Variants in PPP1R42 observed in about 807,000 individuals in gnomAD.
PPP1R42 encodes protein phosphatase 1 regulatory subunit 42.
A neutral mutation model predicts 31.0 loss-of-function variants in PPP1R42; 34 were observed. That is an observed-to-expected ratio of 1.10 (90% CI 0.83 to 1.46). The LOEUF (loss-of-function observed/expected upper bound fraction) is 1.46. Ranked by LOEUF, PPP1R42 falls within the 40% of genes most tolerant of loss-of-function variation. The probability of loss-of-function intolerance (pLI) is 0.00; values close to 1 mark genes in which losing one functional copy is unlikely to be tolerated. For missense variants in PPP1R42, 268 were observed against 303.0 expected, an observed-to-expected ratio of 0.88 and a Z score of 0.86; for synonymous variants, 103 against 109.8, an observed-to-expected ratio of 0.94 and a Z score of 0.39.
intron 5 of PPP1R42, among the ~76,000 whole-genome samples, chr8:67,008,546 AT>A: frequency 6.6e-6 from 1 of 151,856 alleles, no homozygotes; most frequent in East Asian, 1.9e-4. Context: ...CATCTCTACT[AT>A]AAATACAAAA....
intron 5 of PPP1R42, among the ~76,000 whole-genome samples, chr8:66,991,581 T>G (rs1369796590): frequency 1.3e-5 from 2 of 152,152 alleles, no homozygotes; most frequent in Non-Finnish European, 2.9e-5. Flanking sequence ...GTCCACCAAG[T>G]TTTCTCAGTT....
rs891134700 is a variant in PPP1R42 at position 66,965,656 on chromosome 8, C to T, written c.803-1322G>A. Among the ~76,000 whole-genome samples, 5 of 151,972 alleles carry T rather than the reference C, an allele frequency of 3.3e-5. No individual in the cohort carries two copies. In the South Asian group the frequency reaches 6.2e-4, roughly 19 times the overall value. On this transcript the variant is annotated intron_variant, in intron 7 of 7. Transcript: ENST00000685739. ...GTCAAACTGGCTGGATACAGTGGTT[C>T]GCATCTGCAACCCCAGCACTTTGGG...
chr8:67,017,516 G>C, intron 2 of PPP1R42, 103 bp downstream of exon 2: 1 of 597,368 alleles, frequency 1.7e-6, no homozygotes, highest in East Asian at 3.7e-5. Context: ...AAGTTAATAA[G>C]AATAATGAAA....
At chr8:66,998,394 CT>C in intron 5 of PPP1R42, among the ~76,000 whole-genome samples, 1 of 152,292 alleles carries the variant, frequency 6.6e-6, no homozygotes, top group Admixed American at 6.5e-5. Context: ...ACATATTGAC[CT>C]TGCCATTAAG....
chr8:66,968,916 G>A (rs902419175), intron 7 of PPP1R42, among the ~76,000 whole-genome samples: 1 of 152,140 alleles, frequency 6.6e-6, no homozygotes, highest in South Asian at 2.1e-4. Context: ...ACTCAGGATT[G>A]AACATAATTG....
chr8:67,020,718 T>C (rs745876157), intron 1 of PPP1R42, among the ~76,000 whole-genome samples: 11 of 152,274 alleles, frequency 7.2e-5, no homozygotes, highest in Non-Finnish European at 1.3e-4. Context: ...ATCATTATTA[T>C]TATTCTGTTA....
Position 67,024,480 on chromosome 8 carries a change from A to ATT in PPP1R42, c.-85+4009_-85+4010dup, listed in dbSNP as rs56931317. 2.7e-3 allele frequency among the ~76,000 whole-genome samples: 383 copies of ATT among 143,076 alleles called. 2 individuals are homozygous for ATT. Among genetic ancestry groups the ATT allele is most frequent in the African/African-American group, 4.1e-3 (160 of 39,218 alleles). 93.9% of individuals were successfully genotyped at this position (143,076 alleles called of 152,430 possible). A position where few individuals can be genotyped will look rare whatever the true frequency, so the allele number is the denominator to read the frequency against. ...CAGGCTCATGCCACCATGCCAGCTA[A>ATT]TTTTTTTTTTTTTTAGATGGAGTCT... On this transcript the variant is annotated intron_variant, in intron 1 of 7. Coordinates refer to ENST00000685739, the MANE Select transcript of PPP1R42 (RefSeq NM_001364910.1).
chr8:66,976,616 T>G (rs1377874194), intron 7 of PPP1R42, among the ~76,000 whole-genome samples: 1 of 152,174 alleles, frequency 6.6e-6, no homozygotes, highest in Non-Finnish European at 1.5e-5. Flanking sequence ...TTTTGGTTTT[T>G]TTTTTTTTTT....
intron 6 of PPP1R42, chr8:66,984,417 C>T: frequency 7.6e-7 from 1 of 1,320,834 alleles, no homozygotes; most frequent in Non-Finnish European, 1.1e-6. Flanking sequence ...TCTTCTGGGT[C>T]TTGGGGCCCC....
chr8:66,994,434 G>T (rs563432339), intron 5 of PPP1R42, among the ~76,000 whole-genome samples: 8 of 152,134 alleles, frequency 5.3e-5, no homozygotes, highest in African/African-American at 1.9e-4. Context: ...TGCTACATGT[G>T]TTCCTTTAAA....
intron 7 of PPP1R42, among the ~76,000 whole-genome samples, chr8:66,966,668 C>T (rs919861697): frequency 4.0e-5 from 6 of 151,862 alleles, no homozygotes; most frequent in South Asian, 2.1e-4. Flanking sequence ...GCCTGTAGTC[C>T]GAGCTACTCG....
At chr8:67,001,129 ATTAT>A (rs1815470687) in intron 5 of PPP1R42, among the ~76,000 whole-genome samples, 1 of 149,526 alleles carries the variant, frequency 6.7e-6, no homozygotes, top group Non-Finnish European at 1.5e-5. Flanking sequence ...CATTTTTCAT[ATTAT>A]TTGTGTTTGC....
intron 7 of PPP1R42, among the ~76,000 whole-genome samples, chr8:66,980,813 A>G (rs1332464206): frequency 6.6e-6 from 1 of 151,918 alleles, no homozygotes; most frequent in African/African-American, 2.4e-5. Context: ...GCTCATTGCA[A>G]TGTCATGGGC....
At chr8:66,986,444 C>A (rs546143438) in intron 6 of PPP1R42, among the ~76,000 whole-genome samples, 1 of 152,144 alleles carries the variant, frequency 6.6e-6, no homozygotes, top group African/African-American at 2.4e-5. Flanking sequence ...AAACCGGAAC[C>A]AGAAACCTTC....
chr8:66,991,168 G>C (rs907122456), intron 5 of PPP1R42, among the ~76,000 whole-genome samples: 1 of 151,994 alleles, frequency 6.6e-6, no homozygotes, highest in East Asian at 1.9e-4. Flanking sequence ...AAAAACTATA[G>C]GTAAAGATTA....
chr8:66,970,592 C>G (rs1814510078), intron 7 of PPP1R42, among the ~76,000 whole-genome samples: 3 of 152,212 alleles, frequency 2.0e-5, no homozygotes, highest in Non-Finnish European at 4.4e-5. Flanking sequence ...TCTGGACTTT[C>G]TGCAACCATA....
chr8:67,014,425 C>A lies in PPP1R42; in HGVS notation c.296+1G>T, dbSNP rs1179382133. On this transcript the variant is annotated splice_donor_variant, in intron 3 of 7. Coordinates refer to ENST00000685739, the MANE Select transcript of PPP1R42 (RefSeq NM_001364910.1). LOFTEE classifies it high-confidence loss of function. ...CATTATTAAAAAATAAAAGCACTTA[C>A]AGTTTTTCCAGTTTCTTTAATGACC... 6.8e-7 allele frequency: 1 copy of A among 1,469,670 alleles called. No homozygotes were observed. Among genetic ancestry groups the A allele is most frequent in the South Asian group, 1.4e-5 (1 of 69,142 alleles). 91.0% of individuals were successfully genotyped at this position (1,469,670 alleles called of 1,614,324 possible).
rs531340823 is a variant in PPP1R42 at position 66,982,373 on chromosome 8, A to T, written c.671-193T>A. Among the ~76,000 whole-genome samples, 5 of 152,306 alleles carry T rather than the reference A, an allele frequency of 3.3e-5. 1 individual carries two copies. The highest frequency in any genetic ancestry group is 4.1e-4 in the South Asian group (2 of 4,826). On this transcript the variant is annotated intron_variant, in intron 6 of 7. Coordinates refer to ENST00000685739, the MANE Select transcript of PPP1R42 (RefSeq NM_001364910.1). ...TATTTATAGATTTTTTTCTGATTCC[A>T]AAAAGAATATGTGCTTGTTATAAAC...
At chr8:66,994,202 G>A (rs116074197) in intron 5 of PPP1R42, among the ~76,000 whole-genome samples, 1 of 152,168 alleles carries the variant, frequency 6.6e-6, no homozygotes, top group African/African-American at 2.4e-5. Flanking sequence ...AGCAGCAGGA[G>A]GGCCAAAAGT....
Sources: allele counts gnomAD v4.1 joint callset (sites outside exome capture counted in the v4.1 genomes callset), GRCh38; gene constraint gnomAD v4.1.1; transcripts MANE v1.5; gene names NCBI Gene and HGNC (gene_info 2026-07-23, HGNC 2026-07-21).